Variants in SUZ12 observed in about 807,000 individuals in gnomAD.
SUZ12 encodes the protein polycomb protein SUZ12.
In SUZ12, 17 loss-of-function variants were observed where a neutral mutation model predicts 87.3. The ratio of observed to expected loss-of-function variants is 0.19; its 90% CI spans 0.13 to 0.29. The LOEUF (loss-of-function observed/expected upper bound fraction) is 0.29, where lower values mean the gene tolerates loss of function less well. Among genes scored for constraint, SUZ12 ranks in the 10% least tolerant of loss-of-function variants. The pLI is 1.00. For synonymous variants in SUZ12, 253 were observed against 312.4 expected (o/e 0.81, Z 2.01); for missense variants, 526 against 912.2 (o/e 0.58, Z 5.45).
intron 5 of SUZ12, among the ~76,000 whole-genome samples, chr17:31,967,777 G>C (rs903875145): frequency 6.6e-6 from 1 of 152,154 alleles, no homozygotes; most frequent in Non-Finnish European, 1.5e-5. Flanking sequence ...AAGATGGCAG[G>C]ATGGCGTAAG....
At chr17:31,952,432 T>G (rs968667145) in intron 4 of SUZ12, among the ~76,000 whole-genome samples, 24 of 152,174 alleles carry the variant, frequency 1.6e-4, no homozygotes, top group African/African-American at 5.5e-4. Context: ...TACTCCAGTT[T>G]TGAATTTTTC....
rs1910135409 is a variant in SUZ12, at chr17:31,999,172, T to C, written c.*169T>C. The C allele has an allele frequency of 1.9e-6, 1 of 520,950 alleles. No homozygotes were observed. The highest frequency in any genetic ancestry group is 3.3e-6 in the Non-Finnish European group (1 of 304,254). The allele number at this position is 520,950 out of a possible 1,614,324, so 32.3% of individuals were successfully genotyped here. On this transcript the variant is annotated 3_prime_UTR_variant, in exon 16 of 16. Coordinates refer to ENST00000322652, the MANE Select transcript of SUZ12 (RefSeq NM_015355.4). ...ATCAGGGTTCTACTTCACTTCATTA[T>C]GCAGCATTACATGTATATCACTTTT...
intron 5 of SUZ12, among the ~76,000 whole-genome samples, chr17:31,972,149 C>G (rs1465814903): frequency 3.3e-5 from 5 of 151,544 alleles, no homozygotes; most frequent in East Asian, 3.9e-4. Flanking sequence ...GCTGGGTGTC[C>G]TGGTGCGCAC....
At position 32,000,818 on chromosome 17, in the gene SUZ12, G is replaced by A. The variant is rs982979878; in HGVS notation, c.*1815G>A. 7 of 227,106 alleles carry A rather than the reference G, an allele frequency of 3.1e-5. No individual in the cohort carries two copies. The highest frequency in any genetic ancestry group is 6.7e-5 in the African/African-American group (3 of 44,960). The allele number at this position is 227,106 out of a possible 1,614,324, so 14.1% of individuals were successfully genotyped here. A position where few individuals can be genotyped will look rare whatever the true frequency, so the allele number is the denominator to read the frequency against. On this transcript the variant is annotated 3_prime_UTR_variant, in exon 16 of 16. Transcript: ENST00000322652. The stretch of plus-strand genomic sequence containing the variant: ...TGTTGAGTAAACTTTTTATGTCATC[G>A]TAAAAGCTGAAAAAATCCCTTTGTT...
chr17:31,998,227 C>T (rs1306939221), intron 15 of SUZ12, among the ~76,000 whole-genome samples: 1 of 151,976 alleles, frequency 6.6e-6, no homozygotes, highest in Non-Finnish European at 1.5e-5. Flanking sequence ...CCACAGGCAC[C>T]CGCCACCACA....
At chr17:31,980,000 A>G (rs939265775) in intron 8 of SUZ12, among the ~76,000 whole-genome samples, 1 of 147,482 alleles carries the variant, frequency 6.8e-6, no homozygotes, top group African/African-American at 2.6e-5. Context: ...TAAAAAATAT[A>G]TATATATGTA....
At chr17:31,942,376 C>T (rs1906352562) in intron 3 of SUZ12, among the ~76,000 whole-genome samples, 1 of 150,866 alleles carries the variant, frequency 6.6e-6, no homozygotes, top group Non-Finnish European at 1.5e-5. Flanking sequence ...ACTCTTGTTG[C>T]CCAGGCTGGA....
At chr17:31,964,562 A>G in intron 4 of SUZ12, among the ~76,000 whole-genome samples, 1 of 151,828 alleles carries the variant, frequency 6.6e-6, no homozygotes, top group African/African-American at 2.4e-5. Context: ...ATGTGCCACC[A>G]TACCCAGCTA....
chr17:31,937,793 G>A lies in SUZ12; in HGVS notation c.274+273G>A, dbSNP rs567529291. Among the ~76,000 whole-genome samples, 64 of 130,788 alleles carry A rather than the reference G, an allele frequency of 4.9e-4. No individual in the cohort carries two copies. The highest frequency in any genetic ancestry group is 2.0e-3 in the Admixed American group (24 of 11,924). 85.8% of individuals were successfully genotyped at this position (130,788 alleles called of 152,430 possible). ...CTGGGGCCCCACGTTCAGAGCAGGC[G>A]GCTTTTAGATGAGGAGGTAGCAGTT... On this transcript the variant is annotated intron_variant, in intron 1 of 15. Coordinates refer to ENST00000322652, the MANE Select transcript of SUZ12 (RefSeq NM_015355.4).
chr17:31,966,386 A>C (rs1268969100), intron 5 of SUZ12, 190 bp downstream of exon 5: 2 of 567,036 alleles, frequency 3.5e-6, no homozygotes, highest in East Asian at 3.2e-5. Context: ...GGGGGTGCAG[A>C]GTGAAGGCTG....
intron 12 of SUZ12, 71 bp from the exon 13 acceptor site, chr17:31,994,493 C>G: frequency 7.4e-7 from 1 of 1,353,032 alleles, no homozygotes; most frequent in Admixed American, 3.0e-5. Flanking sequence ...CCCACAAATT[C>G]TTTAATTAAA....
rs116125037 is a variant in SUZ12, at chr17:31,963,608, T to C, written c.456-2539T>C. Among the ~76,000 whole-genome samples, 877 of 151,362 alleles carry C rather than the reference T, an allele frequency of 5.8e-3. 2 individuals carry two copies. The highest frequency in any genetic ancestry group is 0.019 in the African/African-American group (805 of 41,348). ...GCCCTCCGAGTTCAAGTGATTCCTC[T>C]GACCTTTGAGTTCAAGCAATTCTCC... On this transcript the variant is annotated intron_variant, in intron 4 of 15. Coordinates refer to ENST00000322652, the MANE Select transcript of SUZ12 (RefSeq NM_015355.4).
At chr17:31,973,048 G>A in intron 5 of SUZ12, 98 bp from the exon 6 acceptor site, 1 of 1,178,758 alleles carries the variant, frequency 8.5e-7, no homozygotes, top group Non-Finnish European at 1.2e-6. Context: ...GTCTTACTGT[G>A]GGAAATCTCT....
chr17:31,941,811 A>G lies in SUZ12; in HGVS notation c.386+1325A>G, dbSNP rs148925750. Reference sequence around the variant, plus strand: ...GGATCCGCCTGCCTCGGCCTCCCAAAGTGCTGGCATTACAGGAGTGAGCCA... The same window carrying G: ...GGATCCGCCTGCCTCGGCCTCCCAAGGTGCTGGCATTACAGGAGTGAGCCA... On this transcript the variant is annotated intron_variant, in intron 3 of 15. Transcript: ENST00000322652. 4.6e-3 allele frequency among the ~76,000 whole-genome samples: 703 copies of G among 151,402 alleles called. 1 individual carries two copies. The highest frequency in any genetic ancestry group is 0.024 in the Middle Eastern group (7 of 288).
chr17:31,998,260 T>C (rs937877245), intron 15 of SUZ12, among the ~76,000 whole-genome samples: 2 of 152,068 alleles, frequency 1.3e-5, no homozygotes, highest in African/African-American at 4.8e-5. Context: ...TTTGCATTTT[T>C]AGTAGAGACG....
intron 3 of SUZ12, among the ~76,000 whole-genome samples, chr17:31,946,728 G>A (rs1353103488): frequency 1.3e-5 from 2 of 152,148 alleles, no homozygotes; most frequent in Non-Finnish European, 2.9e-5. Context: ...AATTATATAT[G>A]GGTATAGATT....
At chr17:31,977,890 A>C (rs966978700) in intron 8 of SUZ12, among the ~76,000 whole-genome samples, 1 of 152,120 alleles carries the variant, frequency 6.6e-6, no homozygotes, top group Non-Finnish European at 1.5e-5. Context: ...CTCTTGTCTT[A>C]AAAAGAAAAG....
chr17:31,958,194 G>T (rs576526236), intron 4 of SUZ12, among the ~76,000 whole-genome samples: 1 of 151,638 alleles, frequency 6.6e-6, no homozygotes, highest in Admixed American at 6.6e-5. Flanking sequence ...GAGCCACCGC[G>T]CCCAGCCCCT....
intron 1 of SUZ12, among the ~76,000 whole-genome samples, chr17:31,939,287 G>C (rs1451148894): frequency 6.6e-6 from 1 of 151,898 alleles, no homozygotes; most frequent in Non-Finnish European, 1.5e-5. Flanking sequence ...ACTGACTTTT[G>C]AGTGCAGTGG....
Sources: allele counts gnomAD v4.1 joint callset (sites outside exome capture counted in the v4.1 genomes callset), GRCh38; gene constraint gnomAD v4.1.1; transcripts MANE v1.5; gene names NCBI Gene and HGNC (gene_info 2026-07-23, HGNC 2026-07-21).